GPRIN3: variants seen among roughly 807,000 people sequenced by gnomAD.
GPRIN3 encodes the protein GPRIN family member 3.
GPRIN3 carries 12 observed loss-of-function variants against 13.7 expected under a neutral mutation model. That is an observed-to-expected ratio of 0.87 (90% CI 0.56 to 1.42). GPRIN3 has a LOEUF of 1.42. Among genes scored for constraint, GPRIN3 ranks in the 40% most tolerant of loss-of-function variants. The pLI, the probability that GPRIN3 is intolerant of heterozygous loss-of-function variation, is 0.00. For synonymous variants in GPRIN3, 377 were observed against 372.7 expected, an observed-to-expected ratio of 1.01 and a Z score of -0.13; for missense variants, 1,009 against 958.7, an observed-to-expected ratio of 1.05 and a Z score of -0.69.
At chr4:89,275,911 GT>G (rs1724080683) in intron 1 of GPRIN3, among the ~76,000 whole-genome samples, 1 of 152,176 alleles carries the variant, frequency 6.6e-6, no homozygotes, top group Admixed American at 6.5e-5. Context: ...ATGGGGGTCA[GT>G]TTTATGTGGA....
intron 1 of GPRIN3, chr4:89,250,948 T>C (rs1188478346): frequency 6.6e-6 from 1 of 152,044 alleles, no homozygotes; most frequent in East Asian, 1.9e-4. Flanking sequence ...GTAGAAACAC[T>C]GTAAGAGAAA....
chr4:89,291,543 T>C (rs1724572259), intron 1 of GPRIN3, among the ~76,000 whole-genome samples: 1 of 152,254 alleles, frequency 6.6e-6, no homozygotes, highest in Admixed American at 6.5e-5. Context: ...TTTCACTGCA[T>C]GAATGTGCCA....
At chr4:89,283,600 G>A (rs988303939) in intron 1 of GPRIN3, among the ~76,000 whole-genome samples, 1 of 152,164 alleles carries the variant, frequency 6.6e-6, no homozygotes, top group Non-Finnish European at 1.5e-5. Flanking sequence ...ATAATGGTGA[G>A]CCCTTTGGTA....
Position 89,237,433 on chromosome 4 carries a change from T to C in GPRIN3, c.*10347A>G, listed in dbSNP as rs913959370. 2 of 152,148 alleles carry C rather than the reference T, an allele frequency of 1.3e-5. No individual in the cohort carries two copies. Among genetic ancestry groups the C allele is most frequent in the Non-Finnish European group, 2.9e-5 (2 of 68,040 alleles). 9.4% of individuals were successfully genotyped at this position (152,148 alleles called of 1,614,324 possible). ...CTCCTAAGGCGATGGTGTTAGAAAGTGGGGGCTTTGGGTGGTGATTAGATG... is the reference window on the plus strand; with the variant it reads ...CTCCTAAGGCGATGGTGTTAGAAAGCGGGGGCTTTGGGTGGTGATTAGATG... On this transcript the variant is annotated 3_prime_UTR_variant, in exon 2 of 2. Transcript: ENST00000609438.
rs1724632901 is a variant in GPRIN3 at position 89,293,254 on chromosome 4, TG to T, written c.-124+14360del. 3.9e-5 allele frequency among the ~76,000 whole-genome samples: 6 copies of T among 152,350 alleles called. No homozygotes were observed. The South Asian group carries it at 1.2e-3, about 32-fold the overall frequency. ...ATGACTGCAAACATTTCTCCTTTTA[TG>T]GGCTAGCATCCTCTATGGTGGTTTT... On this transcript the variant is annotated intron_variant, in intron 1 of 1. Coordinates refer to ENST00000609438, the MANE Select transcript of GPRIN3 (RefSeq NM_198281.3).
intron 1 of GPRIN3, among the ~76,000 whole-genome samples, chr4:89,265,925 G>T (rs902906602): frequency 6.6e-6 from 1 of 152,176 alleles, no homozygotes; most frequent in Admixed American, 6.5e-5. Flanking sequence ...CTTCTTAGGA[G>T]AAGTTGAAAT....
rs781114839 is a variant in GPRIN3 at position 89,247,859 on chromosome 4, CTG to C, written c.2250_2251del (p.His750GlnfsTer72). On this transcript the variant is annotated frameshift_variant, in exon 2 of 2. Transcript: ENST00000609438. LOFTEE classifies it high-confidence loss of function. ...GTTCTGCAGCATGGACTGGAAAACA[CTG>C]TGCTGCCTTCCTCTGAGCTTCTTAT... The C allele has an allele frequency of 6.2e-7, 1 of 1,614,198 alleles. No homozygotes were observed. Among genetic ancestry groups the C allele is most frequent in the African/African-American group, 1.3e-5 (1 of 75,052 alleles).
At chr4:89,271,628 G>C (rs1477819739) in intron 1 of GPRIN3, among the ~76,000 whole-genome samples, 1 of 151,982 alleles carries the variant, frequency 6.6e-6, no homozygotes, top group East Asian at 1.9e-4. Context: ...GAATATTTTT[G>C]ATCCATGGTT....
chr4:89,279,571 T>C (rs1192597723), intron 1 of GPRIN3, among the ~76,000 whole-genome samples: 1 of 152,268 alleles, frequency 6.6e-6, no homozygotes, highest in Non-Finnish European at 1.5e-5. Flanking sequence ...GTTGTTTCTT[T>C]GTCATTTCTG....
intron 1 of GPRIN3, among the ~76,000 whole-genome samples, chr4:89,290,522 G>A (rs190459468): frequency 1.3e-5 from 2 of 152,170 alleles, no homozygotes; most frequent in East Asian, 1.9e-4. Context: ...TAAGTTTCAG[G>A]ACAAATGCCA....
chr4:89,270,565 T>TTATATATATATATATATATATA (rs1199230242), intron 1 of GPRIN3, among the ~76,000 whole-genome samples: 18 of 82,332 alleles, frequency 2.2e-4, no homozygotes, highest in East Asian at 8.3e-4. Context: ...TGTATATAAT[T>TTATATATATATATATATATATA]TATATATATA....
At chr4:89,282,769 T>A (rs1204487889) in intron 1 of GPRIN3, among the ~76,000 whole-genome samples, 1 of 152,168 alleles carries the variant, frequency 6.6e-6, no homozygotes, top group Non-Finnish European at 1.5e-5. Context: ...CACTAAAAAC[T>A]ACCTCTTCGT....
intron 1 of GPRIN3, among the ~76,000 whole-genome samples, chr4:89,259,697 C>T (rs1723573620): frequency 6.6e-6 from 1 of 152,128 alleles, no homozygotes; most frequent in Non-Finnish European, 1.5e-5. Flanking sequence ...CCACACTGCC[C>T]CCCTCTACCA....
chr4:89,266,041 T>A (rs1723770374), intron 1 of GPRIN3, among the ~76,000 whole-genome samples: 1 of 152,184 alleles, frequency 6.6e-6, no homozygotes, highest in Non-Finnish European at 1.5e-5. Flanking sequence ...AGAATAATGT[T>A]CAGTTGTTGT....
chr4:89,270,577 A>AATT (rs1723912620), intron 1 of GPRIN3, among the ~76,000 whole-genome samples: 1 of 99,168 alleles, frequency 1.0e-5, no homozygotes, highest in African/African-American at 6.0e-5. Context: ...ATATATATAT[A>AATT]TATATATATA....
chr4:89,262,593 A>G (rs903545049), intron 1 of GPRIN3, among the ~76,000 whole-genome samples: 1 of 152,174 alleles, frequency 6.6e-6, no homozygotes, highest in African/African-American at 2.4e-5. Context: ...TTTGCTGTGC[A>G]GGGAGGTCAG....
intron 1 of GPRIN3, among the ~76,000 whole-genome samples, chr4:89,298,170 C>G (rs560650241): frequency 6.6e-5 from 10 of 152,240 alleles, no homozygotes; most frequent in Admixed American, 4.6e-4. Flanking sequence ...CCAGCAGACT[C>G]TTGTAAGAAT....
intron 1 of GPRIN3, among the ~76,000 whole-genome samples, chr4:89,283,405 G>A (rs1724309556): frequency 6.6e-6 from 1 of 152,146 alleles, no homozygotes; most frequent in African/African-American, 2.4e-5. Flanking sequence ...TGCAATCAGG[G>A]AAAGCTTCCG....
chr4:89,267,857 G>A (rs1561202356), intron 1 of GPRIN3, among the ~76,000 whole-genome samples: 3 of 152,114 alleles, frequency 2.0e-5, no homozygotes, highest in Admixed American at 6.6e-5. Context: ...CCACTTATTC[G>A]GGAAAGGGTG....
Sources: gnomAD v4.1 joint callset for allele counts (sites outside exome capture counted in the v4.1 genomes callset) on GRCh38, gnomAD v4.1.1 for gene constraint, MANE v1.5 for transcripts, NCBI Gene and HGNC (gene_info 2026-07-23, HGNC 2026-07-21) for gene names.